The following CACNA2D1 variants were observed in gnomAD, a reference collection of about 807,000 sequenced individuals.
The protein encoded by CACNA2D1 is calcium voltage-gated channel auxiliary subunit alpha2delta 1.
CACNA2D1 carries 53 observed loss-of-function variants against 171.5 expected under a neutral mutation model. The observed-to-expected ratio is 0.31, with a 90% CI of 0.25 to 0.39. CACNA2D1 has a LOEUF of 0.39. CACNA2D1 is among the 10% of genes least tolerant of loss of function. The probability of loss-of-function intolerance (pLI) is 1.00; values close to 1 mark genes in which losing one functional copy is unlikely to be tolerated. For synonymous variants in CACNA2D1, 442 were observed against 443.1 expected, an observed-to-expected ratio of 1.00 and a Z score of 0.03; for missense variants, 903 against 1,299.8, an observed-to-expected ratio of 0.69 and a Z score of 4.69.
intron 3 of CACNA2D1, among the ~76,000 whole-genome samples, chr7:82,261,731 T>G (rs1251073727): frequency 6.6e-6 from 1 of 152,050 alleles, no homozygotes; most frequent in East Asian, 1.9e-4. Flanking sequence ...TTTTTTTCAG[T>G]GTTGGTAAAG....
At position 81,968,949 on chromosome 7, in the gene CACNA2D1, G is replaced by A. The variant is rs202108848; in HGVS notation, c.2333C>T (p.Ser778Leu). Residue 778 changes from serine to leucine, a missense_variant, in exon 29 of 39, where the codon TCG becomes TTG. Ser to Leu is a moderately radical substitution (Grantham distance 145, BLOSUM62 -2). Coordinates refer to ENST00000356860, the MANE Select transcript of CACNA2D1 (RefSeq NM_000722.4). Reference protein sequence around the residue: ...FNKSGPGAYESGIMVSKAVEI... With the variant: ...FNKSGPGAYELGIMVSKAVEI... ...TACAGCTTTGCTTACCATAATGCCC[G>A]ATTCATAGGCACCAGGTCCACTTTC... 116 of 1,588,540 alleles carry A rather than the reference G, an allele frequency of 7.3e-5. No individual in the cohort carries two copies. The highest frequency in any genetic ancestry group is 7.9e-5 in the Non-Finnish European group (92 of 1,159,810).
intron 11 of CACNA2D1, among the ~76,000 whole-genome samples, chr7:82,033,502 T>A (rs1183553798): frequency 6.6e-6 from 1 of 152,076 alleles, no homozygotes. Flanking sequence ...AAATAAGTGT[T>A]TTCTTCCCTC....
At chr7:82,068,086 T>C (rs989585797) in intron 7 of CACNA2D1, among the ~76,000 whole-genome samples, 1 of 152,182 alleles carries the variant, frequency 6.6e-6, no homozygotes, top group Non-Finnish European at 1.5e-5. Flanking sequence ...GCTCACAGGC[T>C]CTTGCAGCAT....
At chr7:82,376,289 C>T (rs576134478) in intron 1 of CACNA2D1, among the ~76,000 whole-genome samples, 2 of 152,296 alleles carry the variant, frequency 1.3e-5, no homozygotes, top group East Asian at 1.9e-4. Flanking sequence ...TTAATGCACA[C>T]AGCACCAATC....
chr7:82,091,196 T>C (rs924353388), intron 6 of CACNA2D1, among the ~76,000 whole-genome samples: 1 of 152,172 alleles, frequency 6.6e-6, no homozygotes, highest in African/African-American at 2.4e-5. Flanking sequence ...AAATGAAAGA[T>C]GAATAAGGTA....
At chr7:82,085,703 G>C (rs546819555) in intron 6 of CACNA2D1, among the ~76,000 whole-genome samples, 22 of 148,842 alleles carry the variant, frequency 1.5e-4, no homozygotes, top group African/African-American at 5.4e-4. Context: ...TTTTTCTCCT[G>C]GTTATTTCTA....
At chr7:82,058,989 G>A (rs936261211) in intron 10 of CACNA2D1, among the ~76,000 whole-genome samples, 1 of 152,112 alleles carries the variant, frequency 6.6e-6, no homozygotes, top group Non-Finnish European at 1.5e-5. Flanking sequence ...CTTCCTCCTA[G>A]TAAATATCAA....
intron 3 of CACNA2D1, among the ~76,000 whole-genome samples, chr7:82,221,863 G>A (rs1210392565): frequency 6.6e-6 from 1 of 150,532 alleles, no homozygotes; most frequent in Non-Finnish European, 1.5e-5. Context: ...ATTTCTTTTT[G>A]GGTAAGTAAT....
At chr7:82,037,512 G>T (rs1471268690) in intron 11 of CACNA2D1, among the ~76,000 whole-genome samples, 4 of 151,980 alleles carry the variant, frequency 2.6e-5, no homozygotes, top group African/African-American at 4.8e-5. Context: ...ATAACATGGG[G>T]CAATAAGCAC....
At chr7:82,431,897 G>T (rs904157093) in intron 1 of CACNA2D1, among the ~76,000 whole-genome samples, 9 of 151,712 alleles carry the variant, frequency 5.9e-5, no homozygotes, top group African/African-American at 2.2e-4. Flanking sequence ...AATTAGCCGG[G>T]CATGGTGGCA....
Position 82,076,136 on chromosome 7 carries a change from GAC to G in CACNA2D1, c.658+8631_658+8632del, listed in dbSNP as rs143124244. 9.1e-4 allele frequency among the ~76,000 whole-genome samples: 138 copies of G among 152,156 alleles called. 2 individuals carry two copies. The East Asian group carries it at 0.019, about 21-fold the overall frequency. On this transcript the variant is annotated intron_variant, in intron 7 of 38. Coordinates refer to ENST00000356860, the MANE Select transcript of CACNA2D1 (RefSeq NM_000722.4). ...TACGACCATTATCTGTGAAAAATAA[GAC>G]AGATTCAGGTAAGAGATAAGGTTAT...
chr7:82,013,537 C>G (rs1044012334), intron 13 of CACNA2D1, 27 bp from the exon 14 acceptor site: 10 of 807,206 alleles, frequency 1.2e-5, no homozygotes, highest in Non-Finnish European at 1.4e-5. Context: ...TGTTTTTATA[C>G]ATAAATGTTA....
intron 31 of CACNA2D1, 89 bp from the exon 32 acceptor site, chr7:81,965,754 A>T: frequency 1.3e-6 from 1 of 796,396 alleles, no homozygotes; most frequent in Non-Finnish European, 2.2e-6. Context: ...GATTAGAGCA[A>T]TAAAAATAGA....
At chr7:82,111,913 T>C (rs1017178575) in intron 6 of CACNA2D1, among the ~76,000 whole-genome samples, 3 of 152,216 alleles carry the variant, frequency 2.0e-5, no homozygotes, top group African/African-American at 7.2e-5. Flanking sequence ...AACTAATCCA[T>C]CAATAAATCA....
chr7:82,022,715 T>G (rs1358170388), intron 12 of CACNA2D1, among the ~76,000 whole-genome samples: 1 of 151,952 alleles, frequency 6.6e-6, no homozygotes, highest in African/African-American at 2.4e-5. Context: ...CCATTTCTAG[T>G]TTGGATCTGA....
At chr7:82,242,472 T>C (rs1554478137) in intron 3 of CACNA2D1, among the ~76,000 whole-genome samples, 7 of 152,128 alleles carry the variant, frequency 4.6e-5, no homozygotes, top group Non-Finnish European at 1.0e-4. Context: ...TACCTTTCAG[T>C]CAAACAAAGA....
chr7:82,336,131 A>G (rs922242416), intron 2 of CACNA2D1, among the ~76,000 whole-genome samples: 1 of 152,176 alleles, frequency 6.6e-6, no homozygotes, highest in Non-Finnish European at 1.5e-5. Context: ...CATCTTTGAA[A>G]GCCAGGACCT....
rs1257190060 is a variant in CACNA2D1 at position 82,224,745 on chromosome 7, A to G, written c.295-54136T>C. Among the ~76,000 whole-genome samples, 5 of 152,272 alleles carry G rather than the reference A, an allele frequency of 3.3e-5. No homozygotes were observed. The East Asian group carries it at 9.7e-4, about 29-fold the overall frequency. ...GTGGCTGTTTACTCGTCCCCAGGCC[A>G]CATGTCTCTCCACATAGCATCTGGG... is the stretch of plus-strand genomic sequence containing the variant. On this transcript the variant is annotated intron_variant, in intron 3 of 38. Coordinates refer to ENST00000356860, the MANE Select transcript of CACNA2D1 (RefSeq NM_000722.4).
intron 1 of CACNA2D1, among the ~76,000 whole-genome samples, chr7:82,385,375 C>T (rs959559086): frequency 6.6e-6 from 1 of 152,148 alleles, no homozygotes; most frequent in Non-Finnish European, 1.5e-5. Flanking sequence ...ATCCTCTTTC[C>T]CTGATGCTTA....
Sources: gnomAD v4.1 joint callset for allele counts (sites outside exome capture counted in the v4.1 genomes callset) on GRCh38, gnomAD v4.1.1 for gene constraint, MANE v1.5 for transcripts, NCBI Gene and HGNC (gene_info 2026-07-23, HGNC 2026-07-21) for gene names.